DCUN1D5: variants seen among roughly 807,000 people sequenced by gnomAD.
The protein encoded by DCUN1D5 is defective in cullin neddylation 1 domain containing 5.
Under a neutral mutation model 38.3 loss-of-function variants are expected in DCUN1D5, and 10 were observed. That is an observed-to-expected ratio of 0.26 (90% confidence interval 0.16 to 0.44). The LOEUF (loss-of-function observed/expected upper bound fraction) is 0.44. Among genes scored for constraint, DCUN1D5 ranks in the 20% least tolerant of loss-of-function variants. DCUN1D5 has a pLI of 1.00. For synonymous variants in DCUN1D5, 93 were observed against 90.9 expected (o/e 1.02, Z -0.13); for missense variants, 148 against 275.3 (o/e 0.54, Z 3.27).
chr11:103,083,381 A>T lies in DCUN1D5; in HGVS notation c.179-55T>A. 9.9e-7 allele frequency: 1 copy of T among 1,008,654 alleles called. No homozygotes were observed. The allele number at this position is 1,008,654 out of a possible 1,614,324, so 62.5% of individuals were successfully genotyped here. On this transcript the variant is annotated intron_variant, in intron 2 of 7. Transcript: ENST00000260247. The surrounding 1 kb of genome is among the most constrained non-coding windows in gnomAD (Gnocchi z 4.4). ...TGTTATAATATCAACATAAAACATAAATCGTCATGCTAAAGGTACCCATGA... is the reference window on the plus strand; with the variant it reads ...TGTTATAATATCAACATAAAACATATATCGTCATGCTAAAGGTACCCATGA...
At chr11:103,084,859 A>T (rs1347527645) in intron 2 of DCUN1D5, among the ~76,000 whole-genome samples, 1 of 151,974 alleles carries the variant, frequency 6.6e-6, no homozygotes, top group Non-Finnish European at 1.5e-5. Flanking sequence ...TGGTGGTGCC[A>T]GTCTGTGGTC....
intron 1 of DCUN1D5, among the ~76,000 whole-genome samples, chr11:103,089,630 A>G (rs959064998): frequency 1.4e-4 from 22 of 152,170 alleles, no homozygotes; most frequent in Admixed American, 1.2e-3. Context: ...AAGTATAAAT[A>G]TTTATTATGA....
In DCUN1D5 at chr11:103,086,222, G is replaced by A. The variant is rs754146207; in HGVS notation, c.179-2896C>T. The stretch of plus-strand genomic sequence containing the variant: ...CTCAGTGACACAGCACCTTCAACAT[G>A]AGCTACGTAAGAGTCATTAATTTTG... On this transcript the variant is annotated intron_variant, in intron 2 of 7. Coordinates refer to ENST00000260247, the MANE Select transcript of DCUN1D5 (RefSeq NM_032299.4). The surrounding 1 kb of genome is among the most constrained non-coding windows in gnomAD (Gnocchi z 4.1). 6.6e-6 allele frequency among the ~76,000 whole-genome samples: 1 copy of A among 151,944 alleles called. No individual in the cohort carries two copies. Among genetic ancestry groups the A allele is most frequent in the Non-Finnish European group, 1.5e-5 (1 of 68,008 alleles).
At chr11:103,079,883 T>C (rs1336465673) in intron 4 of DCUN1D5, 1 of 152,140 alleles carries the variant, frequency 6.6e-6, no homozygotes, top group African/African-American at 2.4e-5. Context: ...GAAAAGCATA[T>C]GGCAATTTCA....
rs1000863496 is a variant in DCUN1D5 at position 103,091,300 on chromosome 11, T to C, written c.86+487A>G. ...AAATACTAAATATGGAGGCCAATTA[T>C]AGCATACAAGTTTTCCTTTCTACCA... is the stretch of plus-strand genomic sequence containing the variant. On this transcript the variant is annotated intron_variant, in intron 1 of 7. Coordinates refer to ENST00000260247, the MANE Select transcript of DCUN1D5 (RefSeq NM_032299.4). This position sits in a 1 kb window ranked among gnomAD's most constrained non-coding sequence, Gnocchi z 4.3. Among the ~76,000 whole-genome samples, 11 of 152,134 alleles carry C rather than the reference T, an allele frequency of 7.2e-5. No individual in the cohort carries two copies. Among genetic ancestry groups the C allele is most frequent in the Non-Finnish European group, 1.5e-4 (10 of 68,018 alleles).
chr11:103,089,398 C>T (rs990736070), intron 1 of DCUN1D5, 80 bp from the exon 2 acceptor site: 62 of 1,260,988 alleles, frequency 4.9e-5, no homozygotes, highest in Middle Eastern at 1.9e-4. Flanking sequence ...TTAACAACTT[C>T]CATTCACATT....
chr11:103,088,416 A>G (rs726316), intron 2 of DCUN1D5, among the ~76,000 whole-genome samples: 43,838 of 152,108 alleles, frequency 0.29, 7,166 homozygotes, highest in African/African-American at 0.46. Context: ...TTCCATATAT[A>G]TTTATGAGAT....
In DCUN1D5 at chr11:103,076,198, A is replaced by G. The variant is rs1219414308; in HGVS notation, c.341+6550T>C. On this transcript the variant is annotated intron_variant, in intron 4 of 7. Transcript: ENST00000260247. ...AAAAATCACTGTCATAGCATAACACAGGACCTGACATATAGCACTCCAAAA... is the reference window on the plus strand; with the variant it reads ...AAAAATCACTGTCATAGCATAACACGGGACCTGACATATAGCACTCCAAAA... Among the ~76,000 whole-genome samples, 6 of 152,334 alleles carry G rather than the reference A, an allele frequency of 3.9e-5. No individual in the cohort carries two copies. The South Asian group carries it at 8.3e-4, about 21-fold the overall frequency.
At position 103,091,754 on chromosome 11, in the gene DCUN1D5, G is replaced by T; in HGVS notation, c.86+33C>A. On this transcript the variant is annotated intron_variant, in intron 1 of 7. Transcript: ENST00000260247. The surrounding 1 kb of genome is among the most constrained non-coding windows in gnomAD (Gnocchi z 4.3). ...TCCAGTTGTCCAGCAAAGGAGGGAG[G>T]AGGGAAGCTTGAAGGGTGGGGGGAG... 6.2e-7 allele frequency: 1 copy of T among 1,614,038 alleles called. No homozygotes were observed. The highest frequency in any genetic ancestry group is 1.1e-5 in the South Asian group (1 of 91,078).
chr11:103,079,966 C>A (rs893307026), intron 4 of DCUN1D5: 3 of 152,044 alleles, frequency 2.0e-5, no homozygotes, highest in African/African-American at 7.2e-5. Flanking sequence ...TTCTTTCACA[C>A]AAAAAGGAAA....
At position 103,059,660 on chromosome 11, in the gene DCUN1D5, G is replaced by A. The variant is rs931857632; in HGVS notation, c.*2699C>T. Among the ~76,000 whole-genome samples, 4 of 142,304 alleles carry A rather than the reference G, an allele frequency of 2.8e-5. No individual in the cohort carries two copies. The highest frequency in any genetic ancestry group is 7.8e-5 in the African/African-American group (3 of 38,366). The allele number at this position is 142,304 out of a possible 152,430, so 93.4% of individuals were successfully genotyped here. A position where few individuals can be genotyped will look rare whatever the true frequency, so the allele number is the denominator to read the frequency against. Reference sequence around the variant, plus strand: ...CAGTCAGGCCAGCACACAATACACCGTTTTCATCACACACTGTCACCTGAA... The same window carrying A: ...CAGTCAGGCCAGCACACAATACACCATTTTCATCACACACTGTCACCTGAA... On this transcript the variant is annotated 3_prime_UTR_variant, in exon 8 of 8. Coordinates refer to ENST00000260247, the MANE Select transcript of DCUN1D5 (RefSeq NM_032299.4).
chr11:103,080,901 C>T (rs1393230498), intron 4 of DCUN1D5, among the ~76,000 whole-genome samples: 1 of 151,832 alleles, frequency 6.6e-6, no homozygotes, highest in African/African-American at 2.4e-5. Context: ...AGTCCCAGCT[C>T]GGGAGGCTGA....
chr11:103,062,271 G>T lies in DCUN1D5; in HGVS notation c.*88C>A. 7.9e-7 allele frequency: 1 copy of T among 1,259,702 alleles called. No homozygotes were observed. Among genetic ancestry groups the T allele is most frequent in the Non-Finnish European group, 1.1e-6 (1 of 871,924 alleles). 78.0% of individuals were successfully genotyped at this position (1,259,702 alleles called of 1,614,324 possible). ...AGAAGTCTTTCATATGAATGAAAAT[G>T]CACCCGTTGGATTTTTTTCCCCCTC... On this transcript the variant is annotated 3_prime_UTR_variant, in exon 8 of 8. Transcript: ENST00000260247. This position sits in a 1 kb window ranked among gnomAD's most constrained non-coding sequence, Gnocchi z 4.6.
At chr11:103,089,362 C>CCTG in intron 1 of DCUN1D5, 44 bp from the exon 2 acceptor site, 1 of 1,493,542 alleles carries the variant, frequency 6.7e-7, no homozygotes, top group South Asian at 1.3e-5. Flanking sequence ...CACATCTCAA[C>CCTG]TCTTAGAGAA....
rs936902021 is a variant in DCUN1D5 at position 103,054,739 on chromosome 11, A to C, written c.*7620T>G. On this transcript the variant is annotated 3_prime_UTR_variant, in exon 8 of 8. Coordinates refer to ENST00000260247, the MANE Select transcript of DCUN1D5 (RefSeq NM_032299.4). ...CTCTATATCAAATCTGAGTATAATTAAGCTACACTTGAGTTTCCTTGGAAA... is the reference window on the plus strand; with the variant it reads ...CTCTATATCAAATCTGAGTATAATTCAGCTACACTTGAGTTTCCTTGGAAA... 6.6e-6 allele frequency: 1 copy of C among 152,122 alleles called. No individual in the cohort carries two copies. The allele number at this position is 152,122 out of a possible 1,614,324, so 9.4% of individuals were successfully genotyped here.
At chr11:103,068,857 T>TA (rs1361314484) in intron 4 of DCUN1D5, among the ~76,000 whole-genome samples, 2 of 151,868 alleles carry the variant, frequency 1.3e-5, no homozygotes, top group Non-Finnish European at 2.9e-5. Flanking sequence ...AAAAAGATCT[T>TA]ACAGTTCAAA....
intron 4 of DCUN1D5, among the ~76,000 whole-genome samples, chr11:103,072,823 C>T (rs528020241): frequency 6.6e-5 from 10 of 152,026 alleles, no homozygotes; most frequent in South Asian, 4.2e-4. Flanking sequence ...GACGAGCTAA[C>T]GGGTGCAGCA....
chr11:103,091,340 G>A lies in DCUN1D5; in HGVS notation c.86+447C>T, dbSNP rs1862859298. Among the ~76,000 whole-genome samples, 1 of 152,056 alleles carries A rather than the reference G, an allele frequency of 6.6e-6. No individual in the cohort carries two copies. The highest frequency in any genetic ancestry group is 1.5e-5 in the Non-Finnish European group (1 of 68,020). ...CCTTTCTACCATTCCCAAGACAGTT[G>A]TCAAGATTCCTTATGTTCTGCTTTC... On this transcript the variant is annotated intron_variant, in intron 1 of 7. Coordinates refer to ENST00000260247, the MANE Select transcript of DCUN1D5 (RefSeq NM_032299.4). This position sits in a 1 kb window ranked among gnomAD's most constrained non-coding sequence, Gnocchi z 4.3.
chr11:103,066,920 G>A lies in DCUN1D5; in HGVS notation c.342-353C>T, dbSNP rs569805238. Among the ~76,000 whole-genome samples the A allele has an allele frequency of 2.6e-5, 4 of 152,122 alleles. No individual in the cohort carries two copies. Among genetic ancestry groups the A allele is most frequent in the Non-Finnish European group, 5.9e-5 (4 of 68,002 alleles). On this transcript the variant is annotated intron_variant, in intron 4 of 7. Coordinates refer to ENST00000260247, the MANE Select transcript of DCUN1D5 (RefSeq NM_032299.4). The surrounding 1 kb of genome is among the most constrained non-coding windows in gnomAD (Gnocchi z 4.7). ...CACATATACAGCTAAAAATGGCAGA[G>A]CAAATGAAACTAATCACGCCTTTGT...
Sources: gnomAD v4.1 joint callset for allele counts (sites outside exome capture counted in the v4.1 genomes callset) on GRCh38, gnomAD v4.1.1 for gene constraint, Gnocchi (gnomAD v3.1) non-coding constraint, MANE v1.5 for transcripts, NCBI Gene and HGNC (gene_info 2026-07-23, HGNC 2026-07-21) for gene names.